The following GTF3C1 variants were observed in gnomAD, a reference collection of about 807,000 sequenced individuals.
GTF3C1 encodes general transcription factor IIIC subunit 1.
A neutral mutation model predicts 226.7 loss-of-function variants in GTF3C1; 57 were observed. The ratio of observed to expected loss-of-function variants is 0.25; its 90% CI spans 0.20 to 0.31. The LOEUF (loss-of-function observed/expected upper bound fraction) is 0.31. GTF3C1 is among the 10% of genes least tolerant of loss of function. The pLI, the probability that GTF3C1 is intolerant of heterozygous loss-of-function variation, is 1.00. For synonymous variants in GTF3C1, 1,090 were observed against 1,084.8 expected (o/e 1.00, Z -0.09); for missense variants, 2,217 against 2,776.1 (o/e 0.80, Z 4.53).
chr16:27,488,366 G>A lies in GTF3C1; in HGVS notation c.3561C>T (p.Leu1187=). Residue 1187 remains leucine (L), a synonymous_variant, in exon 23 of 37, where the codon CTC becomes CTT. Transcript: ENST00000356183. The stretch of plus-strand genomic sequence containing the variant: ...CAAACTGCTCTTCCCAGCCAGCACA[G>A]AGCTCGGAGCCTACTCTTGCTTCCC... ...IWGEARVGSE[L]CAGWEEQFEV... The A allele has an allele frequency of 6.2e-7, 1 of 1,613,820 alleles. No homozygotes were observed. The highest frequency in any genetic ancestry group is 8.5e-7 in the Non-Finnish European group (1 of 1,179,696).
intron 19 of GTF3C1, 116 bp from the exon 20 acceptor site, chr16:27,489,859 C>A: frequency 1.0e-6 from 1 of 966,350 alleles, no homozygotes; most frequent in Non-Finnish European, 1.5e-6. Flanking sequence ...AAAGGCTCCC[C>A]GGCCACTGCG....
At chr16:27,488,957 A>G in intron 21 of GTF3C1, 86 bp downstream of exon 21, 1 of 1,258,962 alleles carries the variant, frequency 7.9e-7, no homozygotes, top group South Asian at 1.2e-5. Context: ...GGAAGCCAGT[A>G]TTTGTGTCTC....
intron 26 of GTF3C1, 119 bp downstream of exon 26, chr16:27,482,925 G>C: frequency 1.2e-6 from 1 of 805,958 alleles, no homozygotes; most frequent in Non-Finnish European, 2.1e-6. Context: ...CAAGTGAGCA[G>C]GAAACAAAGT....
intron 20 of GTF3C1, among the ~76,000 whole-genome samples, 156 bp from the exon 21 acceptor site, chr16:27,489,334 T>C (rs2088195928): frequency 6.6e-6 from 1 of 152,242 alleles, no homozygotes; most frequent in South Asian, 2.1e-4. Context: ...GGGCCCTAAG[T>C]GTTGACTGGT....
At chr16:27,496,780 G>C (rs1436270907) in intron 14 of GTF3C1, among the ~76,000 whole-genome samples, 1 of 152,250 alleles carries the variant, frequency 6.6e-6, no homozygotes, top group Non-Finnish European at 1.5e-5. Flanking sequence ...AGTGAGAGAT[G>C]ATGGCTGTGA....
intron 5 of GTF3C1, among the ~76,000 whole-genome samples, chr16:27,533,069 C>T: frequency 5.9e-5 from 9 of 152,036 alleles, no homozygotes; most frequent in African/African-American, 1.7e-4. Context: ...GAGGCGAAGG[C>T]CGAAGTGAGC....
chr16:27,532,720 C>A lies in GTF3C1; in HGVS notation c.849+571G>T, dbSNP rs552762442. 3.3e-5 allele frequency among the ~76,000 whole-genome samples: 5 copies of A among 152,298 alleles called. No individual in the cohort carries two copies. The South Asian group carries it at 1.0e-3, about 32-fold the overall frequency. ...TCATAAGCTTGATTACAGAAGTAAA[C>A]CTAAATGCCGCATTTTCCTATTCCG... is the stretch of plus-strand genomic sequence containing the variant. On this transcript the variant is annotated intron_variant, in intron 5 of 36. Transcript: ENST00000356183.
chr16:27,536,491 GGAGGCT>G (rs985337573), intron 4 of GTF3C1, among the ~76,000 whole-genome samples: 13 of 152,194 alleles, frequency 8.5e-5, no homozygotes, highest in African/African-American at 2.7e-4. Context: ...CAGCTACTCG[GGAGGCT>G]GAGGCAGAAG....
Position 27,497,797 on chromosome 16 carries a change from C to A in GTF3C1, c.2190G>T (p.Val730=), listed in dbSNP as rs1484610386. Residue 730 remains valine, a synonymous_variant, in exon 14 of 37, where the codon GTG becomes GTT. Transcript: ENST00000356183. ...TGTCTTCTTCTGCCTCCCCTTGGGG[C>A]ACTGGAGGCTGGGAAGTTTTAACCC... The part of the protein sequence containing the change: ...ANRVKTSQPP[V]PQGEAEEDSQ... 6.2e-7 allele frequency: 1 copy of A among 1,612,984 alleles called. No homozygotes were observed. Among genetic ancestry groups the A allele is most frequent in the East Asian group, 2.2e-5 (1 of 44,894 alleles).
In GTF3C1 at chr16:27,464,346, G is replaced by A; in HGVS notation, c.5846C>T (p.Pro1949Leu). ...GQEQLSGQAQ[P>L]PEGSEDPRGF... Reference sequence around the variant, plus strand: ...TCTGGGGTCTTCAGAGCCCTCTGGAGGCTGCGCCTGGCCGCTCAGCTGCTC... The same window carrying A: ...TCTGGGGTCTTCAGAGCCCTCTGGAAGCTGCGCCTGGCCGCTCAGCTGCTC... Residue 1949 changes from proline (P) to leucine (L), a missense_variant, in exon 34 of 37, where the codon CCT (proline) becomes CTT (leucine). Transcript: ENST00000356183. The A allele has an allele frequency of 6.5e-7, 1 of 1,539,234 alleles. No individual in the cohort carries two copies. The highest frequency in any genetic ancestry group is 8.7e-7 in the Non-Finnish European group (1 of 1,147,156).
At chr16:27,533,190 A>T in intron 5 of GTF3C1, 101 bp downstream of exon 5, 2 of 639,244 alleles carry the variant, frequency 3.1e-6, no homozygotes, top group Non-Finnish European at 5.8e-6. Flanking sequence ...CAAATCCAGA[A>T]TAGGGCTTTG....
At chr16:27,493,931 CT>C (rs35214542) in intron 16 of GTF3C1, among the ~76,000 whole-genome samples, 16,953 of 148,178 alleles carry the variant, frequency 0.11, 1,217 homozygotes, top group Middle Eastern at 0.22. Flanking sequence ...TTCAATTCAG[CT>C]TTTTTTTTTA....
At chr16:27,540,029 C>T (rs1346400017) in intron 2 of GTF3C1, among the ~76,000 whole-genome samples, 2 of 152,104 alleles carry the variant, frequency 1.3e-5, no homozygotes, top group Non-Finnish European at 2.9e-5. Context: ...GAGCCAACAT[C>T]CACTCTTCTC....
At chr16:27,478,886 C>T (rs1361497242) in intron 27 of GTF3C1, among the ~76,000 whole-genome samples, 1 of 150,690 alleles carries the variant, frequency 6.6e-6, no homozygotes, top group African/African-American at 2.4e-5. Context: ...GAAAATGTCC[C>T]ACCCAGAAGT....
chr16:27,510,041 G>A (rs778463405), intron 7 of GTF3C1, among the ~76,000 whole-genome samples: 1 of 152,126 alleles, frequency 6.6e-6, no homozygotes, highest in Non-Finnish European at 1.5e-5. Context: ...CTGAGGTTAG[G>A]AGTTCGAGAC....
intron 22 of GTF3C1, 21 bp from the exon 23 acceptor site, chr16:27,488,436 C>A (rs770384349): frequency 6.3e-7 from 1 of 1,597,190 alleles, no homozygotes; most frequent in Admixed American, 1.7e-5. Context: ...TCACAGGAGA[C>A]AACAGTTTCA....
intron 5 of GTF3C1, among the ~76,000 whole-genome samples, chr16:27,529,506 G>A (rs1377439975): frequency 1.3e-5 from 2 of 152,018 alleles, no homozygotes; most frequent in East Asian, 3.9e-4. Context: ...AATGATAATG[G>A]GTATTTCCAT....
intron 5 of GTF3C1, among the ~76,000 whole-genome samples, chr16:27,530,144 A>C (rs2088894636): frequency 6.6e-6 from 1 of 152,164 alleles, no homozygotes; most frequent in South Asian, 2.1e-4. Context: ...CAGGGAGCAA[A>C]TGTCTGTGGG....
chr16:27,498,449 T>C lies in GTF3C1; in HGVS notation c.2165+181A>G, dbSNP rs554429677. 6.6e-5 allele frequency among the ~76,000 whole-genome samples: 10 copies of C among 152,254 alleles called. No individual in the cohort carries two copies. The East Asian group carries it at 1.3e-3, about 21-fold the overall frequency. ...ATAAAGACCATTAGGACTTTTTTTT[T>C]CCCCCTAAAGAATCCTGAAATTGGT... On this transcript the variant is annotated intron_variant, in intron 13 of 36. Transcript: ENST00000356183.
Sources: gnomAD v4.1 joint callset for allele counts (sites outside exome capture counted in the v4.1 genomes callset) on GRCh38, gnomAD v4.1.1 for gene constraint, MANE v1.5 for transcripts, NCBI Gene and HGNC (gene_info 2026-07-23, HGNC 2026-07-21) for gene names.